Variants in SLC6A17 observed in about 807,000 individuals in gnomAD.
SLC6A17 encodes solute carrier family 6 member 17, also known as sodium-dependent neutral amino acid transporter SLC6A17.
Under a neutral mutation model 64.5 loss-of-function variants are expected in SLC6A17, and 21 were observed. That is an observed-to-expected ratio of 0.33 (90% CI 0.23 to 0.47). SLC6A17 has a LOEUF of 0.47. Among genes scored for constraint, SLC6A17 ranks in the 20% least tolerant of loss-of-function variants. The pLI, the probability that SLC6A17 is intolerant of heterozygous loss-of-function variation, is 1.00. For missense variants in SLC6A17, 682 were observed against 963.2 expected (o/e 0.71, Z 3.86); for synonymous variants, 372 against 399.5 (o/e 0.93, Z 0.82).
rs2100957229 is a variant in SLC6A17 at position 110,199,927 on chromosome 1, G to T, written c.*1483G>T. The T allele has an allele frequency of 5.1e-6, 2 of 390,410 alleles. No individual in the cohort carries two copies. Among genetic ancestry groups the T allele is most frequent in the South Asian group, 1.3e-4 (1 of 7,492 alleles). The allele number at this position is 390,410 out of a possible 1,614,324, so 24.2% of individuals were successfully genotyped here. A position where few individuals can be genotyped will look rare whatever the true frequency, so the allele number is the denominator to read the frequency against. ...GATGGATGGATGGATGGATGGATGG[G>T]TTGGGGGGTGGGGGTGGATGGATAG... On this transcript the variant is annotated 3_prime_UTR_variant, in exon 12 of 12. Transcript: ENST00000331565.
Position 110,192,241 on chromosome 1 carries a change from C to A in SLC6A17, c.1106+28C>A. ...AGGTGGCATCTCTCCTCCTGTCCCT[C>A]CTTCTCCCTGTCTACCTTACCTGGG... On this transcript the variant is annotated intron_variant, in intron 7 of 11. Transcript: ENST00000331565. This position sits in a 1 kb window ranked among gnomAD's most constrained non-coding sequence, Gnocchi z 4.3. The A allele has an allele frequency of 6.3e-7, 1 of 1,591,160 alleles. No individual in the cohort carries two copies. The highest frequency in any genetic ancestry group is 8.6e-7 in the Non-Finnish European group (1 of 1,165,740).
At chr1:110,176,171 C>G (rs1333071109) in intron 5 of SLC6A17, among the ~76,000 whole-genome samples, 1 of 152,086 alleles carries the variant, frequency 6.6e-6, no homozygotes, top group Non-Finnish European at 1.5e-5. Context: ...TTCATCCTCA[C>G]AAGGGGCTAG....
chr1:110,191,090 C>G (rs1245320346), intron 6 of SLC6A17, among the ~76,000 whole-genome samples: 3 of 152,188 alleles, frequency 2.0e-5, no homozygotes, highest in African/African-American at 7.2e-5. Flanking sequence ...TTGATCCTCA[C>G]GTTCACTCCG....
chr1:110,173,984 T>C lies in SLC6A17; in HGVS notation c.456T>C (p.Phe152=). 6.2e-7 allele frequency: 1 copy of C among 1,613,830 alleles called. No individual in the cohort carries two copies. The highest frequency in any genetic ancestry group is 8.5e-7 in the Non-Finnish European group (1 of 1,179,894). ...IGFSSCIVCL[F]VGLYYNVIIG... is the part of the protein sequence containing the mutation. ...GGGCTTGTCCCCAGGTCTGTCTCTT[T>C]GTGGGGCTGTATTATAATGTGATCA... Residue 152 remains phenylalanine, a synonymous_variant, in exon 4 of 12, where the codon TTT becomes TTC. Transcript: ENST00000331565.
chr1:110,198,567 C>T lies in SLC6A17; in HGVS notation c.*123C>T. 2 of 1,466,650 alleles carry T rather than the reference C, an allele frequency of 1.4e-6. No individual in the cohort carries two copies. The highest frequency in any genetic ancestry group is 1.8e-6 in the Non-Finnish European group (2 of 1,103,718). The allele number at this position is 1,466,650 out of a possible 1,614,324, so 90.9% of individuals were successfully genotyped here. On this transcript the variant is annotated 3_prime_UTR_variant, in exon 12 of 12. Transcript: ENST00000331565. Reference sequence around the variant, plus strand: ...GGCCCTTTGCCCAAGAAGAGAGGGTCTGCCCTGCCTCACTCCCCTCTTCAG... The same window carrying T: ...GGCCCTTTGCCCAAGAAGAGAGGGTTTGCCCTGCCTCACTCCCCTCTTCAG...
At chr1:110,197,701 C>A in intron 11 of SLC6A17, 102 bp downstream of exon 11, 1 of 1,315,898 alleles carries the variant, frequency 7.6e-7, no homozygotes, top group Non-Finnish European at 1.0e-6. Flanking sequence ...TGCTATGTGC[C>A]AGGCCTTGCC....
intron 1 of SLC6A17, among the ~76,000 whole-genome samples, chr1:110,155,468 G>C (rs538426292): frequency 1.3e-5 from 2 of 152,232 alleles, no homozygotes; most frequent in South Asian, 4.1e-4. Context: ...AATAATTCTG[G>C]GTCAGGTGAG....
At chr1:110,165,924 G>A (rs1048690710) in intron 1 of SLC6A17, among the ~76,000 whole-genome samples, 2 of 152,152 alleles carry the variant, frequency 1.3e-5, no homozygotes, top group Non-Finnish European at 2.9e-5. Context: ...GAAATATAAC[G>A]GAATGGTGGA....
Position 110,192,668 on chromosome 1 carries a change from C to A in SLC6A17, c.1269C>A (p.Asp423Glu). ...ACCAGTTCTCAGCCCTGGGCCTTGACCCCTGCCTTCTGGAGGACGAGCTGG... is the reference window on the plus strand; with the variant it reads ...ACCAGTTCTCAGCCCTGGGCCTTGAACCCTGCCTTCTGGAGGACGAGCTGG... ...KEDQFSALGL[D>E]PCLLEDELDK... is the part of the protein sequence containing the mutation. The change falls in exon 8 of 12, where the codon GAC becomes GAA. Residue 423 changes from aspartate to glutamate, a missense_variant. Transcript: ENST00000331565. This position sits in a 1 kb window ranked among gnomAD's most constrained non-coding sequence, Gnocchi z 4.3. 1 of 1,613,894 alleles carries A rather than the reference C, an allele frequency of 6.2e-7. No homozygotes were observed. Among genetic ancestry groups the A allele is most frequent in the Non-Finnish European group, 8.5e-7 (1 of 1,179,874 alleles).
At chr1:110,188,977 C>T (rs1280861249) in intron 6 of SLC6A17, among the ~76,000 whole-genome samples, 1 of 152,196 alleles carries the variant, frequency 6.6e-6, no homozygotes, top group Non-Finnish European at 1.5e-5. Flanking sequence ...CCTTCCTCCT[C>T]CAGGCTCTGG....
chr1:110,188,124 A>C (rs1446913321), intron 6 of SLC6A17, among the ~76,000 whole-genome samples: 1 of 152,226 alleles, frequency 6.6e-6, no homozygotes, highest in Non-Finnish European at 1.5e-5. Context: ...GTTTGATTAC[A>C]GGGTGCTGCC....
At chr1:110,177,075 T>G (rs1656395993) in intron 6 of SLC6A17, among the ~76,000 whole-genome samples, 1 of 152,292 alleles carries the variant, frequency 6.6e-6, no homozygotes. Context: ...GGGAAAACAC[T>G]GGGCGTGCTT....
rs77538429 is a variant in SLC6A17 at position 110,200,363 on chromosome 1, A to G, written c.*1919A>G. ...ATGAGCTTTTGGGGCACAACATCCC[A>G]CCGCAGTCCCCCTCACCCGACAACA... On this transcript the variant is annotated 3_prime_UTR_variant, in exon 12 of 12. Transcript: ENST00000331565. The G allele has an allele frequency of 0.019, 6,771 of 354,250 alleles. 98 individuals are homozygous for G. The highest frequency in any genetic ancestry group is 0.024 in the Non-Finnish European group (4,721 of 198,550). The allele number at this position is 354,250 out of a possible 1,614,324, so 21.9% of individuals were successfully genotyped here. A position where few individuals can be genotyped will look rare whatever the true frequency, so the allele number is the denominator to read the frequency against.
chr1:110,167,592 T>C (rs1335521826), intron 2 of SLC6A17, among the ~76,000 whole-genome samples: 1 of 152,190 alleles, frequency 6.6e-6, no homozygotes, highest in Non-Finnish European at 1.5e-5. Flanking sequence ...GGCAACACGC[T>C]ACCTGACACG....
chr1:110,167,470 A>T (rs1440442341), intron 2 of SLC6A17, among the ~76,000 whole-genome samples: 1 of 152,160 alleles, frequency 6.6e-6, no homozygotes, highest in Non-Finnish European at 1.5e-5. Flanking sequence ...CAACTTTGGG[A>T]CCTACTACAA....
At position 110,199,699 on chromosome 1, in the gene SLC6A17, T is replaced by G; in HGVS notation, c.*1255T>G. On this transcript the variant is annotated 3_prime_UTR_variant, in exon 12 of 12. Coordinates refer to ENST00000331565, the MANE Select transcript of SLC6A17 (RefSeq NM_001010898.4). ...CAAAGGCAAGGGCTGGTCTTCAGGA[T>G]GGAGGCCAGCCTGTGCAGAAGGCTG... 2 of 342,762 alleles carry G rather than the reference T, an allele frequency of 5.8e-6. No homozygotes were observed. Among genetic ancestry groups the G allele is most frequent in the Non-Finnish European group, 1.1e-5 (2 of 190,352 alleles). 21.2% of individuals were successfully genotyped at this position (342,762 alleles called of 1,614,324 possible).
Position 110,199,831 on chromosome 1 carries a change from C to T in SLC6A17, c.*1387C>T. Reference sequence around the variant, plus strand: ...AGGAACCTGACCCAAGAGTAAATGTCTGCAGAGAGATGGATGGATGGATGG... The same window carrying T: ...AGGAACCTGACCCAAGAGTAAATGTTTGCAGAGAGATGGATGGATGGATGG... On this transcript the variant is annotated 3_prime_UTR_variant, in exon 12 of 12. Coordinates refer to ENST00000331565, the MANE Select transcript of SLC6A17 (RefSeq NM_001010898.4). 5.1e-6 allele frequency: 2 copies of T among 393,120 alleles called. No homozygotes were observed. The highest frequency in any genetic ancestry group is 1.4e-4 in the South Asian group (1 of 6,930). 24.4% of individuals were successfully genotyped at this position (393,120 alleles called of 1,614,324 possible).
chr1:110,162,979 G>T (rs1655957436), intron 1 of SLC6A17, among the ~76,000 whole-genome samples: 1 of 143,722 alleles, frequency 7.0e-6, no homozygotes, highest in African/African-American at 2.7e-5. Flanking sequence ...TGGAACCCAG[G>T]CCATCTTACT....
chr1:110,198,121 C>G lies in SLC6A17; in HGVS notation c.1861C>G (p.Leu621Val), dbSNP rs1302699879. Residue 621 changes from leucine (L) to valine (V), a missense_variant, in exon 12 of 12, where the codon CTG (leucine) becomes GTG (valine). By Grantham distance (32) the Leu-to-Val change is conservative. Coordinates refer to ENST00000331565, the MANE Select transcript of SLC6A17 (RefSeq NM_001010898.4). ...TTTCCCCAACTGGGCCATGGCACTC[C>G]TGATCACCCTCATCGTCGTGGCGAC... ...LYFPNWAMAL[L>V]ITLIVVATLP... The G allele has an allele frequency of 6.2e-7, 1 of 1,613,890 alleles. No homozygotes were observed. Among genetic ancestry groups the G allele is most frequent in the Non-Finnish European group, 8.5e-7 (1 of 1,179,992 alleles).
Sources: gnomAD v4.1 joint callset for allele counts (sites outside exome capture counted in the v4.1 genomes callset) on GRCh38, gnomAD v4.1.1 for gene constraint, Gnocchi (gnomAD v3.1) non-coding constraint, MANE v1.5 for transcripts, NCBI Gene and HGNC (gene_info 2026-07-23, HGNC 2026-07-21) for gene names.